ATG7: variants seen among roughly 807,000 people sequenced by gnomAD.
The protein encoded by ATG7 is ubiquitin-like modifier-activating enzyme ATG7.
ATG7 carries 70 observed loss-of-function variants against 82.4 expected under a neutral mutation model. The ratio of observed to expected loss-of-function variants is 0.85; its 90% CI spans 0.70 to 1.04. The LOEUF is 1.04. ATG7 is among the 50% of genes least tolerant of loss of function. The pLI, the probability that ATG7 is intolerant of heterozygous loss-of-function variation, is 0.00. For synonymous variants in ATG7, 287 were observed against 313.0 expected, an observed-to-expected ratio of 0.92 and a Z score of 0.88; for missense variants, 792 against 864.3, an observed-to-expected ratio of 0.92 and a Z score of 1.05.
intron 9 of ATG7, among the ~76,000 whole-genome samples, chr3:11,324,581 C>A (rs1950608813): frequency 1.3e-5 from 2 of 152,132 alleles, no homozygotes; most frequent in South Asian, 4.2e-4. Context: ...TTCCTGCTCT[C>A]TATAGCCCAT....
At chr3:11,327,521 A>G (rs1029424551) in intron 9 of ATG7, among the ~76,000 whole-genome samples, 1 of 152,334 alleles carries the variant, frequency 6.6e-6, no homozygotes, top group East Asian at 1.9e-4. Flanking sequence ...GTGCAAGTTC[A>G]TCAAGCTTCT....
intron 5 of ATG7, among the ~76,000 whole-genome samples, chr3:11,302,126 A>C (rs977779348): frequency 1.3e-5 from 2 of 152,228 alleles, no homozygotes; most frequent in African/African-American, 4.8e-5. Flanking sequence ...AACAGAAATA[A>C]GATGTGGTCC....
intron 19 of ATG7, among the ~76,000 whole-genome samples, chr3:11,382,927 CCTT>C (rs976265938): frequency 6.6e-6 from 1 of 152,204 alleles, no homozygotes; most frequent in Non-Finnish European, 1.5e-5. Context: ...TCCAATCCCT[CCTT>C]CTTCCCTTCC....
chr3:11,544,352 G>A (rs1015777104), intron 20 of ATG7, among the ~76,000 whole-genome samples: 19 of 152,318 alleles, frequency 1.2e-4, no homozygotes, highest in Non-Finnish European at 1.9e-4. Flanking sequence ...TGGTTAACCC[G>A]TGAGGCCCCC....
intron 20 of ATG7, among the ~76,000 whole-genome samples, chr3:11,475,902 CACACA>C (rs1281811471): frequency 3.5e-4 from 53 of 151,418 alleles, no homozygotes; most frequent in African/African-American, 1.2e-3. Flanking sequence ...CACACACACA[CACACA>C]CCCCCTCCCA....
chr3:11,399,609 C>CT (rs1397766405), intron 19 of ATG7, among the ~76,000 whole-genome samples: 1 of 152,000 alleles, frequency 6.6e-6, no homozygotes, highest in African/African-American at 2.4e-5. Context: ...CAGTCTCACT[C>CT]TATCGCCCAG....
intron 19 of ATG7, among the ~76,000 whole-genome samples, chr3:11,398,943 A>G (rs1183113482): frequency 6.6e-6 from 1 of 152,260 alleles, no homozygotes; most frequent in Non-Finnish European, 1.5e-5. Context: ...GCAAACAAGT[A>G]GAAGGTAGAA....
At chr3:11,349,970 C>A (rs1277654370) in intron 14 of ATG7, among the ~76,000 whole-genome samples, 1 of 152,098 alleles carries the variant, frequency 6.6e-6, no homozygotes, top group Non-Finnish European at 1.5e-5. Context: ...GATATCCTGC[C>A]TCTTGAAAAC....
intron 20 of ATG7, among the ~76,000 whole-genome samples, chr3:11,521,719 A>AT (rs2092447955): frequency 6.6e-6 from 1 of 151,440 alleles, no homozygotes; most frequent in African/African-American, 2.4e-5. Context: ...CGCCTGGCTA[A>AT]TTTTTTGTAT....
intron 20 of ATG7, among the ~76,000 whole-genome samples, chr3:11,460,456 G>A (rs2086198038): frequency 6.6e-6 from 1 of 152,196 alleles, no homozygotes; most frequent in African/African-American, 2.4e-5. Flanking sequence ...GAGCAACAAT[G>A]CCTGATGTGG....
chr3:11,383,196 A>T (rs78563559), intron 19 of ATG7, among the ~76,000 whole-genome samples: 13 of 152,324 alleles, frequency 8.5e-5, no homozygotes, highest in South Asian at 8.3e-4. Flanking sequence ...CCAGTTGAGG[A>T]TCAAACATTG....
chr3:11,414,325 C>T (rs987702154), intron 19 of ATG7, among the ~76,000 whole-genome samples: 8 of 152,198 alleles, frequency 5.3e-5, no homozygotes, highest in Non-Finnish European at 8.8e-5. Context: ...CTCGGCCTCC[C>T]ACAGTACTGG....
chr3:11,468,338 C>T (rs181630307), intron 20 of ATG7, among the ~76,000 whole-genome samples: 11 of 152,266 alleles, frequency 7.2e-5, no homozygotes, highest in Admixed American at 2.0e-4. Context: ...CAGGCCAGCC[C>T]GCCACTTCCC....
chr3:11,278,603 G>C (rs1274363654), intron 1 of ATG7, among the ~76,000 whole-genome samples: 2 of 152,162 alleles, frequency 1.3e-5, no homozygotes, highest in Non-Finnish European at 2.9e-5. Flanking sequence ...ATGACGAATA[G>C]GGGAAAATGA....
intron 20 of ATG7, among the ~76,000 whole-genome samples, chr3:11,510,779 A>G (rs1291233468): frequency 6.6e-6 from 1 of 152,178 alleles, no homozygotes; most frequent in African/African-American, 2.4e-5. Flanking sequence ...GGCTTGGGGT[A>G]GAATCGATAG....
intron 20 of ATG7, among the ~76,000 whole-genome samples, chr3:11,478,360 A>AC (rs2088506388): frequency 6.6e-6 from 1 of 152,206 alleles, no homozygotes; most frequent in Non-Finnish European, 1.5e-5. Context: ...GCCTAATCTT[A>AC]CCTGTAATCA....
At chr3:11,510,785 G>A (rs1020505937) in intron 20 of ATG7, among the ~76,000 whole-genome samples, 1 of 152,160 alleles carries the variant, frequency 6.6e-6, no homozygotes, top group Non-Finnish European at 1.5e-5. Context: ...GGGTAGAATC[G>A]ATAGCTTAAA....
chr3:11,511,340 A>T (rs1053490355), intron 20 of ATG7, among the ~76,000 whole-genome samples: 1 of 152,294 alleles, frequency 6.6e-6, no homozygotes, highest in Admixed American at 6.5e-5. Context: ...TGTTCCCATC[A>T]TATTAGTTAG....
At chr3:11,537,058 C>T (rs555267453) in intron 20 of ATG7, among the ~76,000 whole-genome samples, 1 of 152,268 alleles carries the variant, frequency 6.6e-6, no homozygotes, top group South Asian at 2.1e-4. Context: ...TGATGGCAGA[C>T]CTCCATCCCT....
Sources: allele counts gnomAD v4.1 joint callset (sites outside exome capture counted in the v4.1 genomes callset), GRCh38; gene constraint gnomAD v4.1.1; transcripts MANE v1.5; gene names NCBI Gene and HGNC (gene_info 2026-07-23, HGNC 2026-07-21).